Variants in ST6GALNAC3 observed in about 807,000 individuals in gnomAD.
ST6GALNAC3 encodes the protein alpha-N-acetylgalactosaminide alpha-2,6-sialyltransferase 3.
Under a neutral mutation model 32.7 loss-of-function variants are expected in ST6GALNAC3, and 25 were observed. The ratio of observed to expected loss-of-function variants is 0.76; its 90% CI spans 0.56 to 1.07. The LOEUF (loss-of-function observed/expected upper bound fraction) is 1.07. Ranked by LOEUF, ST6GALNAC3 falls within the 50% of genes least tolerant of loss-of-function variation. The pLI is 0.00. For missense variants in ST6GALNAC3, 355 were observed against 382.4 expected, an observed-to-expected ratio of 0.93 and a Z score of 0.60; for synonymous variants, 129 against 133.1, an observed-to-expected ratio of 0.97 and a Z score of 0.21.
chr1:76,617,742 G>T (rs562900657), intron 3 of ST6GALNAC3, among the ~76,000 whole-genome samples: 1 of 152,084 alleles, frequency 6.6e-6, no homozygotes, highest in African/African-American at 2.4e-5. Context: ...ATCCAACTTC[G>T]ATCTTTGATT....
intron 3 of ST6GALNAC3, among the ~76,000 whole-genome samples, chr1:76,520,556 A>G (rs78145202): frequency 8.3e-4 from 127 of 152,170 alleles, no homozygotes; most frequent in African/African-American, 2.9e-3. Context: ...AGCCTTCACT[A>G]CTACTTCTGA....
At chr1:76,113,012 G>T (rs1648175234) in intron 1 of ST6GALNAC3, among the ~76,000 whole-genome samples, 1 of 152,192 alleles carries the variant, frequency 6.6e-6, no homozygotes, top group East Asian at 1.9e-4. Flanking sequence ...GTTGTAGCGA[G>T]CCGAGATCAC....
At chr1:76,110,526 A>C (rs1268316863) in intron 1 of ST6GALNAC3, among the ~76,000 whole-genome samples, 2 of 152,262 alleles carry the variant, frequency 1.3e-5, no homozygotes, top group Non-Finnish European at 2.9e-5. Context: ...ACTAACCTGC[A>C]CTGTGGCTTT....
At chr1:76,476,807 G>A (rs752505151) in intron 3 of ST6GALNAC3, among the ~76,000 whole-genome samples, 2 of 152,216 alleles carry the variant, frequency 1.3e-5, no homozygotes, top group Non-Finnish European at 1.5e-5. Flanking sequence ...CCGGACCATC[G>A]CCCACCCTCA....
intron 1 of ST6GALNAC3, among the ~76,000 whole-genome samples, chr1:76,147,919 G>A (rs1158687163): frequency 2.6e-5 from 4 of 151,842 alleles, no homozygotes; most frequent in African/African-American, 9.7e-5. Context: ...TTCTGTATTC[G>A]TGACCCTTCT....
intron 3 of ST6GALNAC3, among the ~76,000 whole-genome samples, chr1:76,531,949 C>A (rs529528651): frequency 6.6e-6 from 1 of 152,178 alleles, no homozygotes; most frequent in South Asian, 2.1e-4. Context: ...AGGTGAGGGT[C>A]AAAAAGAAAC....
intron 2 of ST6GALNAC3, among the ~76,000 whole-genome samples, chr1:76,320,533 T>G (rs1184508616): frequency 5.9e-5 from 9 of 152,062 alleles, no homozygotes; most frequent in Admixed American, 5.9e-4. Context: ...AAGGGGCCCC[T>G]GAAGTACTGC....
intron 3 of ST6GALNAC3, among the ~76,000 whole-genome samples, chr1:76,481,495 T>C (rs1168440259): frequency 6.6e-6 from 1 of 152,196 alleles, no homozygotes; most frequent in Non-Finnish European, 1.5e-5. Flanking sequence ...TTTAGACTTC[T>C]ATATTTTGCT....
At chr1:76,398,387 C>G (rs1324373401) in intron 2 of ST6GALNAC3, among the ~76,000 whole-genome samples, 1 of 152,060 alleles carries the variant, frequency 6.6e-6, no homozygotes, top group Non-Finnish European at 1.5e-5. Flanking sequence ...TGGTATCTTT[C>G]TGGTATTGTT....
chr1:76,162,023 G>A (rs1247836378), intron 1 of ST6GALNAC3, among the ~76,000 whole-genome samples: 3 of 152,032 alleles, frequency 2.0e-5, no homozygotes, highest in African/African-American at 7.2e-5. Context: ...TTGGGGACAG[G>A]GCCAGGCAAA....
At chr1:76,487,855 G>A (rs772436802) in intron 3 of ST6GALNAC3, among the ~76,000 whole-genome samples, 6 of 152,096 alleles carry the variant, frequency 3.9e-5, no homozygotes, top group Non-Finnish European at 8.8e-5. Flanking sequence ...CATCTTTGTG[G>A]TTTTGTCTAC....
At chr1:76,136,073 A>G (rs989856701) in intron 1 of ST6GALNAC3, among the ~76,000 whole-genome samples, 1 of 152,158 alleles carries the variant, frequency 6.6e-6, no homozygotes, top group African/African-American at 2.4e-5. Flanking sequence ...TGCACCGCCC[A>G]CCTCTAACAG....
At chr1:76,577,222 A>T in intron 3 of ST6GALNAC3, 7 of 1,012,156 alleles carry the variant, frequency 6.9e-6, no homozygotes, top group Non-Finnish European at 8.3e-6. Flanking sequence ...TGTTCTTCCC[A>T]TTTCTCTGTT....
At chr1:76,468,549 T>C (rs1197495807) in intron 3 of ST6GALNAC3, among the ~76,000 whole-genome samples, 3 of 152,038 alleles carry the variant, frequency 2.0e-5, no homozygotes. Context: ...AATTAAATAA[T>C]GCAAATGCTC....
intron 1 of ST6GALNAC3, among the ~76,000 whole-genome samples, chr1:76,115,520 T>C (rs1009531730): frequency 2.0e-5 from 3 of 152,252 alleles, no homozygotes; most frequent in African/African-American, 7.2e-5. Context: ...ATGTATGTTT[T>C]GATTTTAGGT....
chr1:76,366,734 G>A (rs1349874468), intron 2 of ST6GALNAC3, among the ~76,000 whole-genome samples: 1 of 152,028 alleles, frequency 6.6e-6, no homozygotes, highest in African/African-American at 2.4e-5. Context: ...ACACACACAA[G>A]TACTGAAAAC....
chr1:76,118,857 C>T (rs1202927160), intron 1 of ST6GALNAC3, among the ~76,000 whole-genome samples: 2 of 152,140 alleles, frequency 1.3e-5, no homozygotes. Flanking sequence ...GAGTCTCACT[C>T]TGTCGCCCAG....
At chr1:76,284,402 G>T (rs1659664347) in intron 1 of ST6GALNAC3, among the ~76,000 whole-genome samples, 2 of 152,172 alleles carry the variant, frequency 1.3e-5, no homozygotes, top group African/African-American at 4.8e-5. Flanking sequence ...TTCTATTGGG[G>T]TCTGGAGAGA....
intron 2 of ST6GALNAC3, among the ~76,000 whole-genome samples, chr1:76,318,213 A>T (rs1188471284): frequency 6.6e-6 from 1 of 152,160 alleles, no homozygotes; most frequent in African/African-American, 2.4e-5. Flanking sequence ...GAAAACTGTG[A>T]TGACTATTAT....
Sources: gnomAD v4.1 joint callset for allele counts (sites outside exome capture counted in the v4.1 genomes callset) on GRCh38, gnomAD v4.1.1 for gene constraint, MANE v1.5 for transcripts, NCBI Gene and HGNC (gene_info 2026-07-23, HGNC 2026-07-21) for gene names.